Variants in CRK observed in about 807,000 individuals in gnomAD.
The protein encoded by CRK is adapter molecule crk.
Under a neutral mutation model 29.8 loss-of-function variants are expected in CRK, and 4 were observed. That is an observed-to-expected ratio of 0.13 (90% confidence interval 0.07 to 0.31). The LOEUF (loss-of-function observed/expected upper bound fraction) is 0.31. Ranked by LOEUF, CRK falls within the 10% of genes least tolerant of loss-of-function variation. CRK has a pLI of 1.00. For synonymous variants in CRK, 153 were observed against 164.9 expected (o/e 0.93, Z 0.55); for missense variants, 274 against 396.5 (o/e 0.69, Z 2.62).
At chr17:1,438,654 A>G (rs913058607) in intron 1 of CRK, among the ~76,000 whole-genome samples, 6 of 152,142 alleles carry the variant, frequency 3.9e-5, no homozygotes, top group African/African-American at 1.4e-4. Flanking sequence ...TCAACATCTG[A>G]TAACACACTG....
At chr17:1,446,892 C>G (rs1481322686) in intron 1 of CRK, among the ~76,000 whole-genome samples, 1 of 152,184 alleles carries the variant, frequency 6.6e-6, no homozygotes. Flanking sequence ...CACGCCCGGC[C>G]GTGACTTTCT....
chr17:1,424,473 G>A (rs1256453026), intron 2 of CRK: 1 of 152,188 alleles, frequency 6.6e-6, no homozygotes, highest in African/African-American at 2.4e-5. Flanking sequence ...GCAAGCATAG[G>A]TCACTTGGTC....
chr17:1,424,034 G>A (rs879508365), intron 2 of CRK, among the ~76,000 whole-genome samples: 9 of 150,300 alleles, frequency 6.0e-5, no homozygotes, highest in South Asian at 4.2e-4. Context: ...TGCCTGCTCC[G>A]CAGGCCCTGT....
chr17:1,454,500 A>C (rs1015339420), intron 1 of CRK, among the ~76,000 whole-genome samples: 6 of 152,344 alleles, frequency 3.9e-5, no homozygotes, highest in South Asian at 4.1e-4. Context: ...TGGGTGACAG[A>C]GCAAGACTCC....
intron 2 of CRK, among the ~76,000 whole-genome samples, chr17:1,425,857 A>T (rs1028486124): frequency 6.6e-6 from 1 of 152,198 alleles, no homozygotes; most frequent in African/African-American, 2.4e-5. Context: ...GACAGAAAGA[A>T]GGGGATAGAG....
chr17:1,434,861 A>G (rs541451919), intron 2 of CRK, among the ~76,000 whole-genome samples: 2 of 152,202 alleles, frequency 1.3e-5, no homozygotes, highest in African/African-American at 4.8e-5. Flanking sequence ...TAAAATCATA[A>G]AACTAGTTTT....
At chr17:1,448,648 A>AAAT (rs2073994321) in intron 1 of CRK, among the ~76,000 whole-genome samples, 5 of 131,582 alleles carry the variant, frequency 3.8e-5, no homozygotes, top group African/African-American at 5.6e-5. Flanking sequence ...AAAAAGAAAA[A>AAAT]GTGGCTCGTA....
In CRK at chr17:1,437,575, C is replaced by A. The variant is rs141967962; in HGVS notation, c.242-420G>T. Reference sequence around the variant, plus strand: ...ACGTGCTCTCATACTTGATCAACGACGGGGGCTTTCACTGCATTCTCCAAA... The same window carrying A: ...ACGTGCTCTCATACTTGATCAACGAAGGGGGCTTTCACTGCATTCTCCAAA... On this transcript the variant is annotated intron_variant, in intron 1 of 2. Coordinates refer to ENST00000300574, the MANE Select transcript of CRK (RefSeq NM_016823.4). Among the ~76,000 whole-genome samples the A allele has an allele frequency of 1.1e-4, 16 of 152,018 alleles. No individual in the cohort carries two copies. In the East Asian group the frequency reaches 2.9e-3, roughly 28 times the overall value.
intron 1 of CRK, among the ~76,000 whole-genome samples, chr17:1,441,489 C>G (rs1271447003): frequency 6.6e-6 from 1 of 151,874 alleles, no homozygotes; most frequent in Non-Finnish European, 1.5e-5. Context: ...TGGCATTGCA[C>G]CCAGCTGATT....
chr17:1,449,408 T>C (rs1187741232), intron 1 of CRK, among the ~76,000 whole-genome samples: 1 of 152,176 alleles, frequency 6.6e-6, no homozygotes, highest in Non-Finnish European at 1.5e-5. Context: ...TTAAGATTCG[T>C]ATACATGAAA....
In CRK at chr17:1,423,587, C is replaced by T. The variant is rs755037548; in HGVS notation, c.841G>A (p.Gly281Ser). The change falls in exon 3 of 3, where the codon GGC (glycine) becomes AGC (serine). Residue 281 changes from glycine to serine, a missense_variant. By Grantham distance (56) the Gly-to-Ser change is moderately conservative. Around this residue, in one of 3 missense-constraint regions of CRK, gnomAD observed 121 missense variants for 154.3 expected, o/e 0.78. Transcript: ENST00000300574. ...GTGAATGGGAAGTGACCTCGTTTGC[C>T]ATTACACTCCCCTTCCCACTGACCA... The part of the protein sequence containing the change: ...VSGQWEGECN[G>S]KRGHFPFTHV... 1.2e-6 allele frequency: 2 copies of T among 1,614,138 alleles called. No homozygotes were observed. Among genetic ancestry groups the T allele is most frequent in the Non-Finnish European group, 1.7e-6 (2 of 1,180,026 alleles).
chr17:1,428,413 G>C (rs183265532), intron 2 of CRK, among the ~76,000 whole-genome samples: 1 of 151,432 alleles, frequency 6.6e-6, no homozygotes, highest in Non-Finnish European at 1.5e-5. Flanking sequence ...CACCGTGCCA[G>C]CCCTTCTTTC....
intron 1 of CRK, among the ~76,000 whole-genome samples, chr17:1,452,111 G>A (rs1383431176): frequency 6.6e-6 from 1 of 152,212 alleles, no homozygotes; most frequent in South Asian, 2.1e-4. Context: ...GGCTTTGAGA[G>A]TGTAGTGTAA....
At chr17:1,427,030 C>CAAAAAAAAAA (rs562515421) in intron 2 of CRK, among the ~76,000 whole-genome samples, 24 of 35,304 alleles carry the variant, frequency 6.8e-4, no homozygotes, top group East Asian at 2.6e-3. Context: ...AAACTGTCTC[C>CAAAAAAAAAA]AAAAAAAAAA....
chr17:1,420,825 TA>T lies in CRK; in HGVS notation c.*2687del, dbSNP rs2073716998. On this transcript the variant is annotated 3_prime_UTR_variant, in exon 3 of 3. Coordinates refer to ENST00000300574, the MANE Select transcript of CRK (RefSeq NM_016823.4). ...TAACTGTCAAGAAAGTGTATAGTGTTATAATACAATGGCACATGTTTATATT... is the reference window on the plus strand; with the variant it reads ...TAACTGTCAAGAAAGTGTATAGTGTTTAATACAATGGCACATGTTTATATT... The T allele has an allele frequency of 6.6e-6, 1 of 152,186 alleles. No individual in the cohort carries two copies. Among genetic ancestry groups the T allele is most frequent in the Admixed American group, 6.6e-5 (1 of 15,258 alleles). 9.4% of individuals were successfully genotyped at this position (152,186 alleles called of 1,614,324 possible). A position where few individuals can be genotyped will look rare whatever the true frequency, so the allele number is the denominator to read the frequency against.
At chr17:1,444,236 T>A (rs1291144069) in intron 1 of CRK, among the ~76,000 whole-genome samples, 1 of 150,924 alleles carries the variant, frequency 6.6e-6, no homozygotes, top group African/African-American at 2.4e-5. Flanking sequence ...TGGCCTGGAG[T>A]CATCCTCCTG....
At chr17:1,433,508 G>GAT (rs1568012299) in intron 2 of CRK, among the ~76,000 whole-genome samples, 2 of 114,366 alleles carry the variant, frequency 1.7e-5, no homozygotes, top group Admixed American at 9.5e-5. Flanking sequence ...ACCACGCCTG[G>GAT]CTTTTTTTTT....
chr17:1,442,085 G>A (rs2073939636), intron 1 of CRK, among the ~76,000 whole-genome samples: 1 of 151,576 alleles, frequency 6.6e-6, no homozygotes, highest in Admixed American at 6.6e-5. Context: ...TTGAACTCCT[G>A]AGCTCCAGAG....
intron 2 of CRK, among the ~76,000 whole-genome samples, chr17:1,434,553 C>T (rs2073872919): frequency 2.6e-5 from 4 of 152,166 alleles, no homozygotes; most frequent in South Asian, 4.1e-4. Context: ...GAGGCTGAGG[C>T]GGGTGGATCA....
Sources: allele counts gnomAD v4.1 joint callset (sites outside exome capture counted in the v4.1 genomes callset), GRCh38; gene constraint gnomAD v4.1.1; regional missense constraint gnomAD v4.1.1; transcripts MANE v1.5; gene names NCBI Gene and HGNC (gene_info 2026-07-23, HGNC 2026-07-21).